The following ATRNL1 variants were observed in gnomAD, a reference collection of about 807,000 sequenced individuals.
ATRNL1 encodes the protein attractin like 1.
Under a neutral mutation model 182.7 loss-of-function variants are expected in ATRNL1, and 95 were observed. The observed-to-expected ratio is 0.52, with a 90% CI of 0.44 to 0.62. The LOEUF (loss-of-function observed/expected upper bound fraction) is 0.62, where lower values mean the gene tolerates loss of function less well. ATRNL1 is among the 20% of genes least tolerant of loss of function. The pLI is 0.00. For synonymous variants in ATRNL1, 576 were observed against 568.3 expected, an observed-to-expected ratio of 1.01 and a Z score of -0.19; for missense variants, 1,471 against 1,679.5, an observed-to-expected ratio of 0.88 and a Z score of 2.17.
At chr10:115,704,831 A>G (rs1946847544) in intron 26 of ATRNL1, among the ~76,000 whole-genome samples, 2 of 151,838 alleles carry the variant, frequency 1.3e-5, no homozygotes, top group African/African-American at 4.8e-5. Context: ...TTCCTATTAT[A>G]GTCTTTCTGC....
At chr10:115,520,039 CATT>C (rs1157274989) in intron 25 of ATRNL1, among the ~76,000 whole-genome samples, 4 of 152,110 alleles carry the variant, frequency 2.6e-5, no homozygotes, top group Admixed American at 6.5e-5. Flanking sequence ...TTTTTGTTAA[CATT>C]ATTATTCACG....
chr10:115,152,576 C>T (rs367973819), intron 5 of ATRNL1, among the ~76,000 whole-genome samples: 2 of 152,148 alleles, frequency 1.3e-5, no homozygotes, highest in African/African-American at 4.8e-5. Context: ...TATCCTGAGA[C>T]TTTGCTGAAG....
At chr10:115,804,239 T>A (rs1949866726) in intron 27 of ATRNL1, among the ~76,000 whole-genome samples, 1 of 152,208 alleles carries the variant, frequency 6.6e-6, no homozygotes, top group Non-Finnish European at 1.5e-5. Context: ...ACTTACTTTC[T>A]TGATTATCTA....
chr10:115,911,295 C>T (rs937565682), intron 28 of ATRNL1, among the ~76,000 whole-genome samples: 8 of 151,892 alleles, frequency 5.3e-5, no homozygotes, highest in South Asian at 4.2e-4. Context: ...CCACCACGCC[C>T]GGCCTAAAAC....
At position 115,154,055 on chromosome 10, in the gene ATRNL1, T is replaced by A. The variant is rs1846378726; in HGVS notation, c.830-5985T>A. ...TTCTTAATCCTGAGTTCTAGTTTGA[T>A]TGCACTGTGGTCTGAGAGACAGCTT... On this transcript the variant is annotated intron_variant, in intron 5 of 28. Coordinates refer to ENST00000355044, the MANE Select transcript of ATRNL1 (RefSeq NM_207303.4). 2.0e-5 allele frequency among the ~76,000 whole-genome samples: 3 copies of A among 151,382 alleles called. No individual in the cohort carries two copies. In the South Asian group the frequency reaches 6.3e-4, roughly 32 times the overall value.
At chr10:115,637,306 G>A (rs1858936277) in intron 26 of ATRNL1, among the ~76,000 whole-genome samples, 1 of 152,084 alleles carries the variant, frequency 6.6e-6, no homozygotes. Flanking sequence ...TATTGCTCCT[G>A]AAGACATTCC....
rs565716325 is a variant in ATRNL1, at chr10:115,368,250, C to T, written c.3176-26409C>T. 7.3e-4 allele frequency among the ~76,000 whole-genome samples: 111 copies of T among 152,322 alleles called. 4 individuals are homozygous for T. The South Asian group carries it at 0.022, about 30-fold the overall frequency. ...CGGTGCGCCGTTTTTTAAGCCGGTC[C>T]GAAAAGCGCAATATTCGGGTGGGAG... is the stretch of plus-strand genomic sequence containing the variant. On this transcript the variant is annotated intron_variant, in intron 19 of 28. Transcript: ENST00000355044.
chr10:115,093,600 C>T lies in ATRNL1; in HGVS notation c.-151C>T, dbSNP rs1554862120. 5 of 892,728 alleles carry T rather than the reference C, an allele frequency of 5.6e-6. No homozygotes were observed. Among genetic ancestry groups the T allele is most frequent in the African/African-American group, 1.7e-5 (1 of 57,750 alleles). The allele number at this position is 892,728 out of a possible 1,614,324, so 55.3% of individuals were successfully genotyped here. On this transcript the variant is annotated 5_prime_UTR_variant, in exon 1 of 29. Coordinates refer to ENST00000355044, the MANE Select transcript of ATRNL1 (RefSeq NM_207303.4). This position sits in a 1 kb window ranked among gnomAD's most constrained non-coding sequence, Gnocchi z 6.1. ...GGAGGCGACGGCGGTTGGGATCTGT[C>T]CCTCCTGACCGGGGAGCGGGACTCG...
intron 13 of ATRNL1, among the ~76,000 whole-genome samples, chr10:115,273,903 C>T (rs1257552326): frequency 6.6e-6 from 1 of 152,158 alleles, no homozygotes; most frequent in African/African-American, 2.4e-5. Flanking sequence ...TAGAGTGCCG[C>T]TGTGCATACC....
At chr10:115,392,167 A>G (rs955613798) in intron 19 of ATRNL1, among the ~76,000 whole-genome samples, 1 of 152,150 alleles carries the variant, frequency 6.6e-6, no homozygotes, top group African/African-American at 2.4e-5. Context: ...GAAAATGTAC[A>G]TGCTATTTAA....
At position 115,094,028 on chromosome 10, in the gene ATRNL1, GC is replaced by G; in HGVS notation, c.280del (p.Gln94ArgfsTer6). 1 of 1,539,024 alleles carries G rather than the reference GC, an allele frequency of 6.5e-7. No individual in the cohort carries two copies. The highest frequency in any genetic ancestry group is 2.5e-5 in the East Asian group (1 of 39,620). On this transcript the variant is annotated frameshift_variant, in exon 1 of 29. Coordinates refer to ENST00000355044, the MANE Select transcript of ATRNL1 (RefSeq NM_207303.4). LOFTEE classifies it high-confidence loss of function. ...PGWVGDQCQH[C>X]QGRFKLTEPS... Reference sequence around the variant, plus strand: ...TGGGTGGGGGACCAGTGCCAGCACTGCCAGGGCAGGTTCAAGTAAGTGCCTT... The same window carrying G: ...TGGGTGGGGGACCAGTGCCAGCACTGCAGGGCAGGTTCAAGTAAGTGCCTT...
At chr10:115,404,356 G>A (rs563014702) in intron 20 of ATRNL1, among the ~76,000 whole-genome samples, 9 of 152,310 alleles carry the variant, frequency 5.9e-5, no homozygotes, top group African/African-American at 2.2e-4. Context: ...GTAGACAGAA[G>A]TAACACCCAC....
At chr10:115,249,849 C>T (rs1488149434) in intron 10 of ATRNL1, among the ~76,000 whole-genome samples, 1 of 152,016 alleles carries the variant, frequency 6.6e-6, no homozygotes, top group Admixed American at 6.6e-5. Flanking sequence ...CTAAGTGCTC[C>T]AGAAATATAT....
intron 27 of ATRNL1, among the ~76,000 whole-genome samples, chr10:115,803,440 A>G (rs1447471767): frequency 6.6e-6 from 1 of 152,184 alleles, no homozygotes; most frequent in African/African-American, 2.4e-5. Flanking sequence ...TTATGATTTT[A>G]TGTGACCTTG....
chr10:115,754,048 G>T (rs1948519914), intron 27 of ATRNL1, among the ~76,000 whole-genome samples: 1 of 152,238 alleles, frequency 6.6e-6, no homozygotes, highest in African/African-American at 2.4e-5. Context: ...ATTTGTTTAA[G>T]TTCTTTGTAG....
At chr10:115,761,803 G>A (rs1178439588) in intron 27 of ATRNL1, among the ~76,000 whole-genome samples, 2 of 152,052 alleles carry the variant, frequency 1.3e-5, no homozygotes, top group African/African-American at 4.8e-5. Context: ...AATAAAATCA[G>A]GCACAATAAT....
intron 28 of ATRNL1, among the ~76,000 whole-genome samples, chr10:115,872,095 T>C (rs2134419065): frequency 6.6e-6 from 1 of 152,290 alleles, no homozygotes; most frequent in Admixed American, 6.5e-5. Flanking sequence ...ATGGAGAAAA[T>C]TGGGTTATCA....
At chr10:115,434,220 G>A (rs1846297935) in intron 21 of ATRNL1, among the ~76,000 whole-genome samples, 1 of 152,012 alleles carries the variant, frequency 6.6e-6, no homozygotes, top group South Asian at 2.1e-4. Context: ...CTCATTATTA[G>A]CATTTAGTAA....
intron 26 of ATRNL1, among the ~76,000 whole-genome samples, chr10:115,723,829 A>C (rs1555058898): frequency 6.6e-6 from 1 of 152,214 alleles, no homozygotes; most frequent in Non-Finnish European, 1.5e-5. Flanking sequence ...AAGTGCTTAC[A>C]GGCGTGAGCC....
Sources: gnomAD v4.1 joint callset for allele counts (sites outside exome capture counted in the v4.1 genomes callset) on GRCh38, gnomAD v4.1.1 for gene constraint, Gnocchi (gnomAD v3.1) non-coding constraint, MANE v1.5 for transcripts, NCBI Gene and HGNC (gene_info 2026-07-23, HGNC 2026-07-21) for gene names.